The following GRIK2 variants were observed in gnomAD, a reference collection of about 807,000 sequenced individuals.
GRIK2 encodes glutamate ionotropic receptor kainate type subunit 2.
Under a neutral mutation model 100.3 loss-of-function variants are expected in GRIK2, and 32 were observed. The ratio of observed to expected loss-of-function variants is 0.32; its 90% CI spans 0.24 to 0.43. The LOEUF (loss-of-function observed/expected upper bound fraction) is 0.43, where lower values mean the gene tolerates loss of function less well. GRIK2 is among the 20% of genes least tolerant of loss of function. GRIK2 has a pLI of 1.00. For missense variants in GRIK2, 843 were observed against 1,114.9 expected (o/e 0.76, Z 3.47); for synonymous variants, 417 against 389.4 (o/e 1.07, Z -0.83).
In GRIK2 at chr6:101,556,228, C is replaced by T. The variant is rs540514349; in HGVS notation, c.116-65721C>T. On this transcript the variant is annotated intron_variant, in intron 2 of 16. Transcript: ENST00000369134. The stretch of plus-strand genomic sequence containing the variant: ...TGAACATGTAATCTTATTGAGTTTT[C>T]GTAGGGTTATTAGCAGATTTCACTA... Among the ~76,000 whole-genome samples, 16 of 146,448 alleles carry T rather than the reference C, an allele frequency of 1.1e-4. No individual in the cohort carries two copies. The East Asian group carries it at 2.2e-3, about 20-fold the overall frequency.
chr6:101,762,529 C>T (rs1476730191), intron 7 of GRIK2, among the ~76,000 whole-genome samples: 1 of 151,982 alleles, frequency 6.6e-6, no homozygotes, highest in Non-Finnish European at 1.5e-5. Context: ...CACCATCCAG[C>T]CCCAATTTCT....
At chr6:101,416,980 A>G (rs1776170827) in intron 2 of GRIK2, among the ~76,000 whole-genome samples, 1 of 152,176 alleles carries the variant, frequency 6.6e-6, no homozygotes, top group Non-Finnish European at 1.5e-5. Context: ...TGACTGTGCT[A>G]GTCTGTTCTC....
At chr6:102,056,017 A>T (rs1465156439) in intron 16 of GRIK2, among the ~76,000 whole-genome samples, 1 of 151,792 alleles carries the variant, frequency 6.6e-6, no homozygotes, top group East Asian at 1.9e-4. Flanking sequence ...TTAGAGAGTA[A>T]GTTTTTATCT....
At chr6:101,782,084 A>G (rs899937264) in intron 7 of GRIK2, among the ~76,000 whole-genome samples, 3 of 152,172 alleles carry the variant, frequency 2.0e-5, no homozygotes, top group Non-Finnish European at 4.4e-5. Context: ...TGTTACATCC[A>G]TAGCATTTGT....
chr6:101,688,087 AATAT>A (rs1326681856), intron 7 of GRIK2, among the ~76,000 whole-genome samples: 3 of 146,392 alleles, frequency 2.0e-5, no homozygotes, highest in Non-Finnish European at 4.5e-5. Flanking sequence ...ATTATATAAA[AATAT>A]ATATTATATA....
intron 12 of GRIK2, among the ~76,000 whole-genome samples, chr6:101,918,240 T>C (rs770591023): frequency 6.6e-6 from 1 of 151,640 alleles, no homozygotes; most frequent in Non-Finnish European, 1.5e-5. Flanking sequence ...TTCTGACATA[T>C]AAATAGGACA....
chr6:101,744,588 T>C (rs9498682), intron 7 of GRIK2: 2 of 137,454 alleles, frequency 1.5e-5, no homozygotes, highest in Non-Finnish European at 3.1e-5. Context: ...TTCTTTTTTT[T>C]TTTTTTTAAG....
chr6:101,631,727 A>AT (rs894622410), intron 4 of GRIK2, among the ~76,000 whole-genome samples: 1 of 151,782 alleles, frequency 6.6e-6, no homozygotes, highest in African/African-American at 2.4e-5. Context: ...CAAATCTTTT[A>AT]TTTTTTTCCT....
chr6:101,779,970 T>G (rs1054669341), intron 7 of GRIK2, among the ~76,000 whole-genome samples: 1 of 152,190 alleles, frequency 6.6e-6, no homozygotes, highest in Non-Finnish European at 1.5e-5. Flanking sequence ...GCTTAGCTTT[T>G]GTCTTGCCTT....
intron 2 of GRIK2, among the ~76,000 whole-genome samples, chr6:101,605,172 T>A (rs1779387762): frequency 6.6e-6 from 1 of 152,016 alleles, no homozygotes; most frequent in African/African-American, 2.4e-5. Flanking sequence ...ATGCTTATGT[T>A]CAGAAGGCCT....
At chr6:101,513,982 A>G (rs1462565520) in intron 2 of GRIK2, among the ~76,000 whole-genome samples, 1 of 152,158 alleles carries the variant, frequency 6.6e-6, no homozygotes, top group African/African-American at 2.4e-5. Context: ...TTTGGAAACA[A>G]ATCAACAAAA....
intron 2 of GRIK2, among the ~76,000 whole-genome samples, chr6:101,453,557 A>C (rs988628779): frequency 6.6e-6 from 1 of 152,048 alleles, no homozygotes; most frequent in Non-Finnish European, 1.5e-5. Context: ...TTGAACTGTC[A>C]GAAATATACT....
intron 14 of GRIK2, among the ~76,000 whole-genome samples, chr6:101,946,435 G>C (rs1230947993): frequency 1.3e-5 from 2 of 152,006 alleles, no homozygotes; most frequent in African/African-American, 4.8e-5. Flanking sequence ...GGAGGCTGAG[G>C]TGGGAGGATC....
chr6:102,062,808 G>A lies in GRIK2; in HGVS notation c.2563-5539G>A, dbSNP rs564457626. On this transcript the variant is annotated intron_variant, in intron 16 of 16. Coordinates refer to ENST00000369134, the MANE Select transcript of GRIK2 (RefSeq NM_021956.5). ...TTATATTCACAAGAAAAAATTTAACGGGTCACATTAAATGACATTTATTTT... is the reference window on the plus strand; with the variant it reads ...TTATATTCACAAGAAAAAATTTAACAGGTCACATTAAATGACATTTATTTT... Among the ~76,000 whole-genome samples, 5 of 150,318 alleles carry A rather than the reference G, an allele frequency of 3.3e-5. No homozygotes were observed. In the East Asian group the frequency reaches 7.8e-4, roughly 23 times the overall value.
At chr6:101,671,910 T>A (rs1463429555) in intron 4 of GRIK2, among the ~76,000 whole-genome samples, 1 of 152,118 alleles carries the variant, frequency 6.6e-6, no homozygotes, top group East Asian at 1.9e-4. Context: ...TAGCTAGACT[T>A]CAGGGACCCT....
intron 12 of GRIK2, among the ~76,000 whole-genome samples, chr6:101,914,164 G>A (rs2791779): frequency 0.85 from 128,512 of 151,172 alleles, 54,750 homozygotes; most frequent in East Asian, 0.94. Context: ...AAAAAAATAG[G>A]CAATAAACTT....
chr6:101,543,178 A>G (rs1466799548), intron 2 of GRIK2, among the ~76,000 whole-genome samples: 1 of 152,194 alleles, frequency 6.6e-6, no homozygotes, highest in Non-Finnish European at 1.5e-5. Context: ...AGCACCTGGA[A>G]GAACATCTAA....
At chr6:101,430,837 A>C (rs1183935475) in intron 2 of GRIK2, 2 of 308,590 alleles carry the variant, frequency 6.5e-6, no homozygotes, top group Non-Finnish European at 6.8e-6. Context: ...GCAGCATAGC[A>C]CAGCTTCTCC....
intron 9 of GRIK2, among the ~76,000 whole-genome samples, chr6:101,817,795 A>C (rs998102589): frequency 1.1e-4 from 16 of 152,196 alleles, no homozygotes; most frequent in Non-Finnish European, 2.4e-4. Flanking sequence ...ATCAGATTTT[A>C]CTGTCTTCTC....
Sources: gnomAD v4.1 joint callset for allele counts (sites outside exome capture counted in the v4.1 genomes callset) on GRCh38, gnomAD v4.1.1 for gene constraint, MANE v1.5 for transcripts, NCBI Gene and HGNC (gene_info 2026-07-23, HGNC 2026-07-21) for gene names.